Variants in PDE3A observed in about 807,000 individuals in gnomAD.
PDE3A encodes phosphodiesterase 3A.
A neutral mutation model predicts 98.3 loss-of-function variants in PDE3A; 43 were observed. The observed-to-expected ratio is 0.44, with a 90% CI of 0.34 to 0.56. PDE3A has a LOEUF of 0.56. Ranked by LOEUF, PDE3A falls within the 20% of genes least tolerant of loss-of-function variation. PDE3A has a pLI of 0.01. For missense variants in PDE3A, 1,427 were observed against 1,440.7 expected (o/e 0.99, Z 0.15); for synonymous variants, 663 against 567.9 (o/e 1.17, Z -2.38).
rs755543591 is a variant in PDE3A at position 20,369,799 on chromosome 12, C to T, written c.515C>T (p.Ala172Val). ...ALLAACCGGE[A>V]LVQIGLGVGE... is the part of the protein sequence containing the mutation. The stretch of plus-strand genomic sequence containing the variant: ...CTGGCCGCCTGCTGCGGGGGGGAAG[C>T]GCTCGTCCAGATTGGGCTGGGCGTC... The change falls in exon 1 of 16, where the codon GCG becomes GTG. Residue 172 changes from alanine (A) to valine (V), a missense_variant. This residue lies in a region of PDE3A where 1,012 missense variants were observed against 886.5 expected (regional missense o/e 1.14). Coordinates refer to ENST00000359062, the MANE Select transcript of PDE3A (RefSeq NM_000921.5). The T allele has an allele frequency of 1.2e-6, 2 of 1,612,464 alleles. No individual in the cohort carries two copies. The highest frequency in any genetic ancestry group is 1.7e-5 in the Admixed American group (1 of 59,968).
chr12:20,477,030 C>A (rs577568855), intron 1 of PDE3A, among the ~76,000 whole-genome samples: 1 of 152,090 alleles, frequency 6.6e-6, no homozygotes, highest in Non-Finnish European at 1.5e-5. Flanking sequence ...AATACTATTT[C>A]GTGGTTTAGT....
In PDE3A at chr12:20,368,708, G is replaced by A. The variant is rs904999953; in HGVS notation, c.-577G>A. On this transcript the variant is annotated 5_prime_UTR_variant, in exon 1 of 16. Transcript: ENST00000359062. ...CGATTCGCGTCCTGGGGCCGTGCCG[G>A]GGAGAATCGGCCGAGGAGAAAGAAA... 6.6e-6 allele frequency among the ~76,000 whole-genome samples: 1 copy of A among 152,022 alleles called. No homozygotes were observed.
Position 20,629,997 on chromosome 12 carries a change from G to T in PDE3A, c.1630G>T (p.Ala544Ser). The change falls in exon 6 of 16, where the codon GCA (alanine) becomes TCA (serine). Residue 544 changes from alanine to serine, a missense_variant. Ala to Ser is a moderately conservative substitution (Grantham distance 99). Coordinates refer to ENST00000359062, the MANE Select transcript of PDE3A (RefSeq NM_000921.5). ...CAGCAGCCTGGTCAGCAAAATTTCT[G>T]CAGTGCAGTTTCCAGAATCTGCTGA... ...PASSLVSKISAVQFPESADTT... is the reference protein window; with the variant it reads ...PASSLVSKISSVQFPESADTT... 1 of 1,613,932 alleles carries T rather than the reference G, an allele frequency of 6.2e-7. No individual in the cohort carries two copies. Among genetic ancestry groups the T allele is most frequent in the Non-Finnish European group, 8.5e-7 (1 of 1,179,886 alleles).
chr12:20,631,645 GA>G lies in PDE3A; in HGVS notation c.1760+1519del, dbSNP rs553249797. 2.3e-4 allele frequency among the ~76,000 whole-genome samples: 35 copies of G among 151,940 alleles called. 1 individual carries two copies. The South Asian group carries it at 6.7e-3, about 29-fold the overall frequency. On this transcript the variant is annotated intron_variant, in intron 6 of 15. Coordinates refer to ENST00000359062, the MANE Select transcript of PDE3A (RefSeq NM_000921.5). ...TGGGAAATAAGTCCCCTAAAGAAAG[GA>G]GAGAGATGTTCAGAAAAGCTCTACC...
intron 1 of PDE3A, among the ~76,000 whole-genome samples, chr12:20,540,347 G>T (rs2121216457): frequency 6.6e-6 from 1 of 152,250 alleles, no homozygotes; most frequent in Middle Eastern, 3.4e-3. Flanking sequence ...ACAATAGCTT[G>T]ATAGAGGAAA....
intron 2 of PDE3A, among the ~76,000 whole-genome samples, chr12:20,569,520 T>C (rs1942744364): frequency 6.6e-6 from 1 of 152,148 alleles, no homozygotes. Flanking sequence ...AGAGAAGAAT[T>C]GTAAAACCCA....
At chr12:20,537,979 T>C (rs1050218096) in intron 1 of PDE3A, among the ~76,000 whole-genome samples, 3 of 152,160 alleles carry the variant, frequency 2.0e-5, no homozygotes, top group African/African-American at 4.8e-5. Flanking sequence ...TTGAATTTGA[T>C]GTGTTATATA....
At chr12:20,617,967 T>G (rs1944045071) in intron 4 of PDE3A, among the ~76,000 whole-genome samples, 1 of 152,142 alleles carries the variant, frequency 6.6e-6, no homozygotes, top group Non-Finnish European at 1.5e-5. Flanking sequence ...TCCAAATATT[T>G]ACAATAGAAA....
At position 20,503,477 on chromosome 12, in the gene PDE3A, C is replaced by T. The variant is rs149397789; in HGVS notation, c.961-53183C>T. Among the ~76,000 whole-genome samples, 430 of 152,090 alleles carry T rather than the reference C, an allele frequency of 2.8e-3. 3 individuals are homozygous for T. The highest frequency in any genetic ancestry group is 0.014 in the Middle Eastern group (4 of 294). On this transcript the variant is annotated intron_variant, in intron 1 of 15. Transcript: ENST00000359062. ...TAAAATGCTTTTTTCTCCTCCTCATCGATTTTCTATCCACAATAGAAAAAT... is the reference window on the plus strand; with the variant it reads ...TAAAATGCTTTTTTCTCCTCCTCATTGATTTTCTATCCACAATAGAAAAAT...
intron 1 of PDE3A, among the ~76,000 whole-genome samples, chr12:20,469,674 A>G (rs1377817362): frequency 2.6e-5 from 4 of 152,216 alleles, no homozygotes; most frequent in African/African-American, 9.6e-5. Context: ...GGGTGCCTTT[A>G]TATGTTTTTA....
chr12:20,584,907 A>C (rs1943155151), intron 2 of PDE3A, among the ~76,000 whole-genome samples: 1 of 152,240 alleles, frequency 6.6e-6, no homozygotes, highest in South Asian at 2.1e-4. Flanking sequence ...TATTAAAAGA[A>C]AAATAAGTTT....
At chr12:20,486,121 A>G (rs758698884) in intron 1 of PDE3A, among the ~76,000 whole-genome samples, 2 of 152,206 alleles carry the variant, frequency 1.3e-5, no homozygotes, top group Non-Finnish European at 2.9e-5. Context: ...TTGATAGAGC[A>G]TATATTAGTC....
At chr12:20,586,202 G>A (rs1335750722) in intron 2 of PDE3A, among the ~76,000 whole-genome samples, 1 of 152,186 alleles carries the variant, frequency 6.6e-6, no homozygotes, top group East Asian at 1.9e-4. Context: ...GATTTCCTAG[G>A]AAGAGAGAAT....
At chr12:20,523,801 G>A (rs918332040) in intron 1 of PDE3A, among the ~76,000 whole-genome samples, 1 of 152,170 alleles carries the variant, frequency 6.6e-6, no homozygotes, top group Non-Finnish European at 1.5e-5. Flanking sequence ...TTGAATTATA[G>A]AAGAGAATAA....
chr12:20,667,008 G>C (rs1002679661), intron 15 of PDE3A, among the ~76,000 whole-genome samples: 5 of 152,016 alleles, frequency 3.3e-5, no homozygotes, highest in African/African-American at 1.2e-4. Flanking sequence ...GCTTTGATTT[G>C]CATATTCCTG....
rs113404470 is a variant in PDE3A at position 20,621,276 on chromosome 12, T to C, written c.1425-20T>C. 3.0e-6 allele frequency: 4 copies of C among 1,316,388 alleles called. No homozygotes were observed. Among genetic ancestry groups the C allele is most frequent in the Non-Finnish European group, 3.3e-6 (3 of 909,682 alleles). 81.5% of individuals were successfully genotyped at this position (1,316,388 alleles called of 1,614,324 possible). ...AATTTGTTTAATTTTCTTTTAATTC[T>C]GTCTTTCTGGTGCTTTTAGTCCTGA... On this transcript the variant is annotated intron_variant, in intron 4 of 15. Coordinates refer to ENST00000359062, the MANE Select transcript of PDE3A (RefSeq NM_000921.5).
intron 1 of PDE3A, among the ~76,000 whole-genome samples, chr12:20,415,123 AT>A (rs1214731573): frequency 7.3e-5 from 11 of 149,914 alleles, no homozygotes; most frequent in South Asian, 4.2e-4. Context: ...CTCCCTTTCT[AT>A]TTTTTTCCTT....
chr12:20,427,248 T>C (rs1019528457), intron 1 of PDE3A, among the ~76,000 whole-genome samples: 1 of 152,226 alleles, frequency 6.6e-6, no homozygotes, highest in Non-Finnish European at 1.5e-5. Flanking sequence ...GTCCGTGAAC[T>C]CTCGTTGCTT....
intron 2 of PDE3A, among the ~76,000 whole-genome samples, chr12:20,609,483 A>G (rs1369923270): frequency 6.6e-6 from 1 of 152,052 alleles, no homozygotes; most frequent in Non-Finnish European, 1.5e-5. Flanking sequence ...CTACCCAAAG[A>G]AATATAGAAA....
Sources: allele counts gnomAD v4.1 joint callset (sites outside exome capture counted in the v4.1 genomes callset), GRCh38; gene constraint gnomAD v4.1.1; regional missense constraint gnomAD v4.1.1; transcripts MANE v1.5; gene names NCBI Gene and HGNC (gene_info 2026-07-23, HGNC 2026-07-21).